CLASP1: variants seen among roughly 807,000 people sequenced by gnomAD.
CLASP1 encodes the protein cytoplasmic linker associated protein 1.
A neutral mutation model predicts 192.3 loss-of-function variants in CLASP1; 38 were observed. The ratio of observed to expected loss-of-function variants is 0.20; its 90% CI spans 0.15 to 0.26. CLASP1 has a LOEUF of 0.26. Ranked by LOEUF, CLASP1 falls within the 10% of genes least tolerant of loss-of-function variation. The probability of loss-of-function intolerance (pLI) is 1.00; values close to 1 mark genes in which losing one functional copy is unlikely to be tolerated. For synonymous variants in CLASP1, 691 were observed against 712.8 expected (o/e 0.97, Z 0.49); for missense variants, 1,433 against 1,932.5 (o/e 0.74, Z 4.85).
chr2:121,647,579 T>C (rs1459941891), intron 1 of CLASP1, among the ~76,000 whole-genome samples: 1 of 152,106 alleles, frequency 6.6e-6, no homozygotes, highest in Non-Finnish European at 1.5e-5. Flanking sequence ...TTAAGCATAA[T>C]ACACCAGGCT....
At chr2:121,632,297 G>A (rs762556723) in intron 1 of CLASP1, among the ~76,000 whole-genome samples, 5 of 152,022 alleles carry the variant, frequency 3.3e-5, no homozygotes, top group Admixed American at 6.6e-5. Context: ...AACCTCCAAC[G>A]TGAATAATCT....
At chr2:121,522,816 T>C (rs1460401562) in intron 6 of CLASP1, among the ~76,000 whole-genome samples, 1 of 152,242 alleles carries the variant, frequency 6.6e-6, no homozygotes, top group African/African-American at 2.4e-5. Context: ...ACACTAAGGC[T>C]ATCCTGCAAT....
rs2071893126 is a variant in CLASP1, at chr2:121,382,334, T to G, written c.3375-10A>C. 1 of 1,511,470 alleles carries G rather than the reference T, an allele frequency of 6.6e-7. No homozygotes were observed. The highest frequency in any genetic ancestry group is 1.4e-5 in the African/African-American group (1 of 71,378). 93.6% of individuals were successfully genotyped at this position (1,511,470 alleles called of 1,614,324 possible). On this transcript the variant is annotated splice_polypyrimidine_tract_variant and intron_variant, in intron 32 of 39. Coordinates refer to ENST00000263710, the Ensembl canonical transcript of CLASP1. ...CCAACCCCATAACCGACTGCAGTGA[T>G]CAGAAGAGGAAAATCAGAGAGAGAA...
intron 2 of CLASP1, among the ~76,000 whole-genome samples, chr2:121,534,430 C>A (rs1227366539): frequency 6.6e-6 from 1 of 152,178 alleles, no homozygotes; most frequent in African/African-American, 2.4e-5. Flanking sequence ...ACTGTTTGTG[C>A]CCAAAAGCCC....
chr2:121,570,502 G>C (rs1315024809), intron 2 of CLASP1, among the ~76,000 whole-genome samples: 1 of 152,232 alleles, frequency 6.6e-6, no homozygotes, highest in African/African-American at 2.4e-5. Context: ...ACAGCTGCAG[G>C]CAGAATCTAG....
intron 2 of CLASP1, among the ~76,000 whole-genome samples, chr2:121,559,059 G>A (rs2058837100): frequency 6.6e-6 from 1 of 152,224 alleles, no homozygotes; most frequent in South Asian, 2.1e-4. Flanking sequence ...AAAACTTTTA[G>A]AGCCACGGCA....
intron 2 of CLASP1, among the ~76,000 whole-genome samples, chr2:121,535,803 C>T (rs536571848): frequency 6.6e-6 from 1 of 151,754 alleles, no homozygotes; most frequent in South Asian, 2.1e-4. Flanking sequence ...GGACTACAGG[C>T]GCGTGCCAAC....
chr2:121,646,434 T>G (rs2073193717), intron 1 of CLASP1, among the ~76,000 whole-genome samples: 1 of 152,222 alleles, frequency 6.6e-6, no homozygotes, highest in Non-Finnish European at 1.5e-5. Flanking sequence ...AGGAAATCTG[T>G]AAAATGTTCT....
intron 8 of CLASP1, among the ~76,000 whole-genome samples, chr2:121,471,511 C>T (rs2090727381): frequency 6.6e-6 from 1 of 151,818 alleles, no homozygotes; most frequent in Non-Finnish European, 1.5e-5. Flanking sequence ...TAAATCATTG[C>T]TATCCAAAAA....
chr2:121,636,246 G>A (rs2070830002), intron 1 of CLASP1, among the ~76,000 whole-genome samples: 1 of 151,758 alleles, frequency 6.6e-6, no homozygotes, highest in Non-Finnish European at 1.5e-5. Flanking sequence ...TGAGGCAGGA[G>A]ACTCGCTTGA....
At chr2:121,420,979 A>G (rs2079398998) in intron 22 of CLASP1, among the ~76,000 whole-genome samples, 1 of 152,198 alleles carries the variant, frequency 6.6e-6, no homozygotes, top group South Asian at 2.1e-4. Context: ...ACCCAGAGAG[A>G]GTTCATTCAC....
intron 35 of CLASP1, 144 bp downstream of exon 36, chr2:121,367,444 T>C (rs1362257593): frequency 2.8e-6 from 3 of 1,063,122 alleles, no homozygotes; most frequent in Middle Eastern, 3.1e-4. Context: ...TTCAGTTAAG[T>C]AGTGCCTGAA....
intron 20 of CLASP1, among the ~76,000 whole-genome samples, chr2:121,429,405 C>T (rs143363322): frequency 2.1e-4 from 32 of 152,220 alleles, no homozygotes; most frequent in Admixed American, 9.2e-4. Context: ...AGAGAGGAGG[C>T]GGGCCCCTTA....
In CLASP1 at chr2:121,588,499, C is replaced by G. The variant is rs946450444; in HGVS notation, c.195+17202G>C. Among the ~76,000 whole-genome samples the G allele has an allele frequency of 3.9e-5, 6 of 152,038 alleles. No homozygotes were observed. In the South Asian group the frequency reaches 1.2e-3, roughly 32 times the overall value. On this transcript the variant is annotated intron_variant, in intron 2 of 39. Transcript: ENST00000263710. Reference sequence around the variant, plus strand: ...TCTTGCTTGATGACACAGCTGAAAGCCCAAATAATGAAGATCATCAGAAGA... The same window carrying G: ...TCTTGCTTGATGACACAGCTGAAAGGCCAAATAATGAAGATCATCAGAAGA...
At chr2:121,352,513 G>C (rs1207159210) in intron 37 of CLASP1, among the ~76,000 whole-genome samples, 1 of 152,138 alleles carries the variant, frequency 6.6e-6, no homozygotes, top group Non-Finnish European at 1.5e-5. Flanking sequence ...TTTTTACCCC[G>C]ACAAAGGCAG....
intron 7 of CLASP1, among the ~76,000 whole-genome samples, chr2:121,508,388 T>C (rs1450275983): frequency 1.3e-5 from 2 of 152,198 alleles, no homozygotes; most frequent in East Asian, 1.9e-4. Flanking sequence ...CAGCAAGTTA[T>C]AGTAGTACAC....
chr2:121,381,513 G>C (rs2071652422), intron 33 of CLASP1, among the ~76,000 whole-genome samples: 1 of 152,158 alleles, frequency 6.6e-6, no homozygotes, highest in African/African-American at 2.4e-5. Context: ...TTGTACCACA[G>C]ATTCAGCATC....
chr2:121,346,000 C>T (rs1292337416), intron 39 of CLASP1, among the ~76,000 whole-genome samples: 1 of 152,220 alleles, frequency 6.6e-6, no homozygotes, highest in African/African-American at 2.4e-5. Context: ...ACACCCCAGC[C>T]AGAGCTTTGC....
intron 2 of CLASP1, among the ~76,000 whole-genome samples, chr2:121,568,754 T>C (rs1417542053): frequency 6.6e-6 from 1 of 152,096 alleles, no homozygotes; most frequent in Admixed American, 6.5e-5. Flanking sequence ...CAAGAGTTGC[T>C]TTCCAGGGTC....
Sources: allele counts gnomAD v4.1 joint callset (sites outside exome capture counted in the v4.1 genomes callset), GRCh38; gene constraint gnomAD v4.1.1; transcripts MANE v1.5; gene names NCBI Gene and HGNC (gene_info 2026-07-23, HGNC 2026-07-21).